COL4A2: variants seen among roughly 807,000 people sequenced by gnomAD.
COL4A2 encodes the protein collagen type IV alpha 2 chain, also known as collagen alpha-2(IV) chain.
COL4A2 carries 99 observed loss-of-function variants against 200.2 expected under a neutral mutation model. The ratio of observed to expected loss-of-function variants is 0.49; its 90% CI spans 0.42 to 0.58. COL4A2 has a LOEUF of 0.58. Ranked by LOEUF, COL4A2 falls within the 20% of genes least tolerant of loss-of-function variation. The pLI, the probability that COL4A2 is intolerant of heterozygous loss-of-function variation, is 0.00. For synonymous variants in COL4A2, 897 were observed against 900.6 expected, an observed-to-expected ratio of 1.00 and a Z score of 0.07; for missense variants, 1,950 against 2,314.1, an observed-to-expected ratio of 0.84 and a Z score of 3.23.
At chr13:110,480,506 C>T in intron 31 of COL4A2, 116 bp downstream of exon 31, 1 of 1,138,782 alleles carries the variant, frequency 8.8e-7, no homozygotes, top group Non-Finnish European at 1.2e-6. Context: ...CCTCACACTT[C>T]TGCAGATTGG....
At chr13:110,504,326 G>A (rs959214457) in intron 45 of COL4A2, 62 bp downstream of exon 45, 4 of 1,382,680 alleles carry the variant, frequency 2.9e-6, no homozygotes, top group South Asian at 1.2e-5. Context: ...CTCACAGACT[G>A]TGGTCTGCAG....
intron 20 of COL4A2, 54 bp downstream of exon 20, chr13:110,450,508 G>T (rs554346522): frequency 3.1e-6 from 5 of 1,589,592 alleles, no homozygotes; most frequent in Non-Finnish European, 3.4e-6. Context: ...GATGAAGCCC[G>T]GTCCCAGCCG....
intron 21 of COL4A2, 22 bp from the exon 22 acceptor site, chr13:110,458,749 C>G: frequency 2.5e-6 from 4 of 1,613,440 alleles, no homozygotes; most frequent in Non-Finnish European, 2.5e-6. Context: ...AACAAGGAGG[C>G]CCTCCTCTCC....
At chr13:110,366,591 C>A (rs1174579512) in intron 4 of COL4A2, among the ~76,000 whole-genome samples, 1 of 152,204 alleles carries the variant, frequency 6.6e-6, no homozygotes, top group East Asian at 1.9e-4. Flanking sequence ...ACCGTATGCA[C>A]ATTTTCCTCC....
chr13:110,462,323 G>A lies in COL4A2; in HGVS notation c.1715G>A (p.Gly572Asp). ...PGVPGVPGMKGDDGSPGRDGL... is the reference protein window; with the variant it reads ...PGVPGVPGMKDDDGSPGRDGL... ...GTCCCAGGTGTGCCCGGGATGAAAG[G>A]TGACGATGGCAGCCCAGGCCGCGAT... is the stretch of plus-strand genomic sequence containing the variant. The change falls in exon 24 of 48, where the codon GGT (glycine) becomes GAT (aspartate). Residue 572 changes from glycine (G) to aspartate (D), a missense_variant. Around this residue, in one of 2 missense-constraint regions of COL4A2, gnomAD observed 1,385 missense variants for 1,720.5 expected, o/e 0.80. Transcript: ENST00000360467. The A allele has an allele frequency of 1.2e-6, 2 of 1,614,174 alleles. No individual in the cohort carries two copies. Among genetic ancestry groups the A allele is most frequent in the Non-Finnish European group, 1.7e-6 (2 of 1,180,046 alleles).
chr13:110,391,827 C>T (rs1185927848), intron 4 of COL4A2, among the ~76,000 whole-genome samples: 1 of 152,232 alleles, frequency 6.6e-6, no homozygotes, highest in Non-Finnish European at 1.5e-5. Context: ...CTGCATTCTT[C>T]AGTGTTCCCG....
At chr13:110,373,501 T>G (rs1172726176) in intron 4 of COL4A2, among the ~76,000 whole-genome samples, 6 of 152,182 alleles carry the variant, frequency 3.9e-5, no homozygotes, top group Non-Finnish European at 8.8e-5. Context: ...TAAAAAGAAA[T>G]TTGAAGCAGC....
intron 10 of COL4A2, among the ~76,000 whole-genome samples, chr13:110,431,742 A>G (rs966993108): frequency 4.0e-5 from 6 of 151,268 alleles, no homozygotes; most frequent in African/African-American, 1.5e-4. Context: ...ATCATCCACA[A>G]CCCCCTCCCT....
At chr13:110,364,038 A>AT (rs1341361897) in intron 4 of COL4A2, among the ~76,000 whole-genome samples, 1 of 152,220 alleles carries the variant, frequency 6.6e-6, no homozygotes, top group Non-Finnish European at 1.5e-5. Context: ...CATGTGTGGA[A>AT]TAAAAACATC....
chr13:110,309,482 G>A (rs577204366), intron 3 of COL4A2, among the ~76,000 whole-genome samples: 1 of 152,214 alleles, frequency 6.6e-6, no homozygotes, highest in South Asian at 2.1e-4. Context: ...GCACGCGCAC[G>A]CACGCACACT....
chr13:110,368,960 G>C (rs1877880881), intron 4 of COL4A2, among the ~76,000 whole-genome samples: 1 of 151,968 alleles, frequency 6.6e-6, no homozygotes, highest in Admixed American at 6.6e-5. Flanking sequence ...TGTAATCCCA[G>C]CACTTTGGGA....
At chr13:110,398,685 T>G (rs1010068418) in intron 4 of COL4A2, among the ~76,000 whole-genome samples, 1 of 151,262 alleles carries the variant, frequency 6.6e-6, no homozygotes, top group African/African-American at 2.4e-5. Context: ...AGAGTGAGAC[T>G]CTGTCAAAAA....
At chr13:110,320,333 C>G (rs766846811) in intron 3 of COL4A2, among the ~76,000 whole-genome samples, 3 of 152,238 alleles carry the variant, frequency 2.0e-5, no homozygotes, top group Non-Finnish European at 4.4e-5. Flanking sequence ...CCCCTGGACT[C>G]CCAGTGCTGT....
intron 22 of COL4A2, 153 bp downstream of exon 22, chr13:110,459,087 C>T: frequency 1.4e-6 from 1 of 716,558 alleles, no homozygotes; most frequent in East Asian, 3.2e-5. Context: ...AACCCACATA[C>T]CCCAAGGCGG....
chr13:110,398,779 A>G (rs1290535044), intron 4 of COL4A2, among the ~76,000 whole-genome samples: 2 of 152,234 alleles, frequency 1.3e-5, no homozygotes, highest in African/African-American at 2.4e-5. Flanking sequence ...ATTATAAGAT[A>G]TCAGACATAC....
chr13:110,468,969 C>T (rs1229139489), intron 27 of COL4A2, among the ~76,000 whole-genome samples: 1 of 152,206 alleles, frequency 6.6e-6, no homozygotes, highest in Non-Finnish European at 1.5e-5. Context: ...ACCTCCAAAG[C>T]CCTCATTTAG....
intron 29 of COL4A2, among the ~76,000 whole-genome samples, chr13:110,477,055 T>C (rs192873528): frequency 6.4e-4 from 98 of 151,980 alleles, no homozygotes; most frequent in African/African-American, 2.3e-3. Context: ...CAGAGGAAAA[T>C]AGGAGCAAAG....
chr13:110,478,034 G>A lies in COL4A2; in HGVS notation c.2457G>A (p.Leu819=). 5 of 1,587,936 alleles carry A rather than the reference G, an allele frequency of 3.1e-6. No homozygotes were observed. Among genetic ancestry groups the A allele is most frequent in the Non-Finnish European group, 4.3e-6 (5 of 1,164,222 alleles). Residue 819 remains leucine, a synonymous_variant, in exon 30 of 48, where the codon CTG becomes CTA. Transcript: ENST00000360467. ...GSQGMPGMPG[L]KGQPGLPGPS... is the part of the protein sequence containing the mutation. The stretch of plus-strand genomic sequence containing the variant: ...AAGGGATGCCTGGGATGCCAGGGCT[G>A]AAGGGCCAGCCAGGCCTCCCAGGAC...
At chr13:110,409,397 C>T (rs1313633492) in intron 4 of COL4A2, among the ~76,000 whole-genome samples, 1 of 152,220 alleles carries the variant, frequency 6.6e-6, no homozygotes, top group Non-Finnish European at 1.5e-5. Context: ...CTCTAGTTTC[C>T]CTCTCCCAGT....
Sources: gnomAD v4.1 joint callset for allele counts (sites outside exome capture counted in the v4.1 genomes callset) on GRCh38, gnomAD v4.1.1 for gene constraint, gnomAD v4.1.1 regional missense constraint, MANE v1.5 for transcripts, NCBI Gene and HGNC (gene_info 2026-07-23, HGNC 2026-07-21) for gene names.